Variants in STOX2 observed in about 807,000 individuals in gnomAD.
The protein encoded by STOX2 is storkhead-box protein 2.
A neutral mutation model predicts 60.9 loss-of-function variants in STOX2; 28 were observed. The observed-to-expected ratio is 0.46, with a 90% CI of 0.34 to 0.63. STOX2 has a LOEUF of 0.63. STOX2 is among the 30% of genes least tolerant of loss of function. The pLI, the probability that STOX2 is intolerant of heterozygous loss-of-function variation, is 0.01. For missense variants in STOX2, 1,024 were observed against 1,187.7 expected, an observed-to-expected ratio of 0.86 and a Z score of 2.03; for synonymous variants, 472 against 463.9, an observed-to-expected ratio of 1.02 and a Z score of -0.22.
intron 1 of STOX2, among the ~76,000 whole-genome samples, chr4:183,928,829 A>G (rs1339355564): frequency 6.6e-6 from 1 of 152,004 alleles, no homozygotes; most frequent in Admixed American, 6.6e-5. Flanking sequence ...CAAAAAAAAA[A>G]CAACAAAAAA....
chr4:183,887,327 C>T (rs1414497330), intron 1 of STOX2, among the ~76,000 whole-genome samples: 1 of 151,770 alleles, frequency 6.6e-6, no homozygotes, highest in African/African-American at 2.4e-5. Context: ...AAGAGGACAA[C>T]CATTTGTCAG....
At chr4:183,995,953 G>A (rs1039011333) in intron 1 of STOX2, among the ~76,000 whole-genome samples, 1 of 152,054 alleles carries the variant, frequency 6.6e-6, no homozygotes, top group Admixed American at 6.5e-5. Context: ...TCATCCACCC[G>A]GCTACTCTTT....
intron 1 of STOX2, among the ~76,000 whole-genome samples, chr4:183,840,340 C>A (rs543478759): frequency 6.6e-6 from 1 of 152,172 alleles, no homozygotes; most frequent in African/African-American, 2.4e-5. Flanking sequence ...TTTCTTTGTC[C>A]ATGTAACAGT....
At chr4:183,946,287 A>C (rs1384388045) in intron 1 of STOX2, among the ~76,000 whole-genome samples, 1 of 152,184 alleles carries the variant, frequency 6.6e-6, no homozygotes, top group Non-Finnish European at 1.5e-5. Context: ...TCTTAGTCTC[A>C]GTTTCCTCAC....
At chr4:183,873,205 T>G (rs751719334) in intron 1 of STOX2, among the ~76,000 whole-genome samples, 6 of 152,090 alleles carry the variant, frequency 3.9e-5, no homozygotes, top group Non-Finnish European at 8.8e-5. Context: ...CCCAGCACTT[T>G]GGGAGGCCGA....
chr4:183,819,259 A>T (rs1028187286), intron 1 of STOX2, among the ~76,000 whole-genome samples: 7 of 152,054 alleles, frequency 4.6e-5, no homozygotes, highest in African/African-American at 1.4e-4. Flanking sequence ...GGCAACATTG[A>T]GCACTGAGTG....
chr4:183,801,501 T>C (rs1304290143), intron 1 of STOX2, among the ~76,000 whole-genome samples: 2 of 152,148 alleles, frequency 1.3e-5, no homozygotes, highest in African/African-American at 2.4e-5. Context: ...AAATTGAGAG[T>C]GTGCTAAATG....
rs772566490 is a variant in STOX2 at position 184,017,210 on chromosome 4, G to A, written c.2707G>A (p.Glu903Lys). Residue 903 changes from glutamate to lysine, a missense_variant, in exon 4 of 4, where the codon GAG (glutamate) becomes AAG (lysine). By Grantham distance (56) the Glu-to-Lys change is moderately conservative. This residue lies in a region of STOX2 where 922 missense variants were observed against 1,058.3 expected (regional missense o/e 0.87). Coordinates refer to ENST00000308497, the MANE Select transcript of STOX2 (RefSeq NM_020225.3). ...AGCCTTCAACTTCCGAGCGAGCGCG[G>A]AGCCCCCGACAAATGAAGCTGAGAA... ...GPAFNFRASA[E>K]PPTNEAEKLQ... 3 of 1,611,456 alleles carry A rather than the reference G, an allele frequency of 1.9e-6. No individual in the cohort carries two copies. The Admixed American group carries it at 5.0e-5, about 27-fold the overall frequency.
chr4:183,901,779 GTTGT>G (rs1183090467), upstream of STOX2, among the ~76,000 whole-genome samples: 1 of 151,858 alleles, frequency 6.6e-6, no homozygotes, highest in African/African-American at 2.4e-5. Context: ...TTTGAATCTA[GTTGT>G]TTGTTTTTTT....
intron 1 of STOX2, among the ~76,000 whole-genome samples, chr4:183,873,185 C>T (rs546883639): frequency 6.6e-6 from 1 of 152,170 alleles, no homozygotes; most frequent in Admixed American, 6.5e-5. Flanking sequence ...CAGTGGTTTA[C>T]ACCTGTAATC....
In STOX2 at chr4:184,009,922, A is replaced by G; in HGVS notation, c.1084A>G (p.Thr362Ala). ...HHSGRSKKSR[T>A]HRKSHGKSRS... is the part of the protein sequence containing the mutation. ...CAGCGGAAGGAGTAAAAAGAGTAGGACTCATCGGAAGTCCCATGGAAAGTC... is the reference window on the plus strand; with the variant it reads ...CAGCGGAAGGAGTAAAAAGAGTAGGGCTCATCGGAAGTCCCATGGAAAGTC... Residue 362 changes from threonine (T) to alanine (A), a missense_variant, in exon 3 of 4, where the codon ACT becomes GCT. This residue lies in a region of STOX2 where 922 missense variants were observed against 1,058.3 expected (regional missense o/e 0.87). Coordinates refer to ENST00000308497, the MANE Select transcript of STOX2 (RefSeq NM_020225.3). The surrounding 1 kb of genome is among the most constrained non-coding windows in gnomAD (Gnocchi z 4.0). The G allele has an allele frequency of 1.2e-6, 2 of 1,612,954 alleles. No individual in the cohort carries two copies. The highest frequency in any genetic ancestry group is 1.1e-5 in the South Asian group (1 of 90,776).
rs1380192659 is a variant in STOX2, at chr4:184,010,823, G to T, written c.1985G>T (p.Gly662Val). 1 of 1,590,436 alleles carries T rather than the reference G, an allele frequency of 6.3e-7. No individual in the cohort carries two copies. Among genetic ancestry groups the T allele is most frequent in the Admixed American group, 1.7e-5 (1 of 57,454 alleles). ...AAGGAGGAGTCACCAAAAGGGCCGGGTGGGGGCCCCGCTGCTTCGGGAGGA... is the reference window on the plus strand; with the variant it reads ...AAGGAGGAGTCACCAAAAGGGCCGGTTGGGGGCCCCGCTGCTTCGGGAGGA... ...GHKEESPKGP[G>V]GGPAASGGVA... Residue 662 changes from glycine (G) to valine (V), a missense_variant, in exon 3 of 4, where the codon GGT becomes GTT. This residue lies in a region of STOX2 where 922 missense variants were observed against 1,058.3 expected (regional missense o/e 0.87). Coordinates refer to ENST00000308497, the MANE Select transcript of STOX2 (RefSeq NM_020225.3). The surrounding 1 kb of genome is among the most constrained non-coding windows in gnomAD (Gnocchi z 4.5).
intron 1 of STOX2, among the ~76,000 whole-genome samples, chr4:183,804,611 GCGGGC>G (rs2111093816): frequency 6.6e-6 from 1 of 152,330 alleles, no homozygotes; most frequent in East Asian, 1.9e-4. Context: ...AGTTTAAGAA[GCGGGC>G]CTGGCTCCTA....
At chr4:183,951,107 T>A (rs952101987) in intron 1 of STOX2, among the ~76,000 whole-genome samples, 1 of 150,610 alleles carries the variant, frequency 6.6e-6, no homozygotes, top group Admixed American at 6.6e-5. Flanking sequence ...TCCCAGCTAC[T>A]CGGGAGGCTG....
rs936606815 is a variant in STOX2, at chr4:183,836,675, C to A, written c.364+38620C>A. 6.6e-6 allele frequency among the ~76,000 whole-genome samples: 1 copy of A among 152,164 alleles called. No homozygotes were observed. The highest frequency in any genetic ancestry group is 1.5e-5 in the Non-Finnish European group (1 of 68,042). On this transcript the variant is annotated intron_variant, in intron 1 of 2. Coordinates refer to the STOX2 transcript ENST00000513034. The surrounding 1 kb of genome is among the most constrained non-coding windows in gnomAD (Gnocchi z 4.1). Reference sequence around the variant, plus strand: ...GGTATTAGTGAGCATCAGCAGTGTCCATCGCAGTCACCGTCTCCCATTTCG... The same window carrying A: ...GGTATTAGTGAGCATCAGCAGTGTCAATCGCAGTCACCGTCTCCCATTTCG...
At chr4:183,807,126 C>T (rs1337551340) in intron 1 of STOX2, among the ~76,000 whole-genome samples, 1 of 152,138 alleles carries the variant, frequency 6.6e-6, no homozygotes, top group Non-Finnish European at 1.5e-5. Context: ...GCGACCACCA[C>T]CACGCCCAGC....
chr4:183,898,667 C>T (rs1018912401), intron 1 of STOX2, among the ~76,000 whole-genome samples: 8 of 151,974 alleles, frequency 5.3e-5, no homozygotes, highest in African/African-American at 1.9e-4. Flanking sequence ...ACTGAATGGG[C>T]AGAGGTACCA....
At chr4:183,839,901 A>G (rs1560839813) in intron 1 of STOX2, among the ~76,000 whole-genome samples, 2 of 152,148 alleles carry the variant, frequency 1.3e-5, no homozygotes, top group African/African-American at 4.8e-5. Context: ...GTTGATACTG[A>G]GTCTGTAGCG....
chr4:183,798,765 G>A, intron 1 of STOX2: 1 of 985,404 alleles, frequency 1.0e-6, no homozygotes, highest in Non-Finnish European at 1.2e-6. Flanking sequence ...TCGCCCAGAG[G>A]TGAAGGTCGC....
Sources: gnomAD v4.1 joint callset for allele counts (sites outside exome capture counted in the v4.1 genomes callset) on GRCh38, gnomAD v4.1.1 for gene constraint, gnomAD v4.1.1 regional missense constraint, Gnocchi (gnomAD v3.1) non-coding constraint, MANE v1.5 for transcripts, NCBI Gene and HGNC (gene_info 2026-07-23, HGNC 2026-07-21) for gene names.